The following ATP6V1B2 variants were observed in gnomAD, a reference collection of about 807,000 sequenced individuals.
ATP6V1B2 encodes ATPase H+ transporting V1 subunit B2.
A neutral mutation model predicts 66.7 loss-of-function variants in ATP6V1B2; 23 were observed. The ratio of observed to expected loss-of-function variants is 0.34; its 90% CI spans 0.25 to 0.49. ATP6V1B2 has a LOEUF of 0.49. Ranked by LOEUF, ATP6V1B2 falls within the 20% of genes least tolerant of loss-of-function variation. ATP6V1B2 has a pLI of 0.99. For synonymous variants in ATP6V1B2, 278 were observed against 236.7 expected (o/e 1.17, Z -1.60); for missense variants, 478 against 650.8 (o/e 0.73, Z 2.89).
Position 20,220,595 on chromosome 8 carries a change from A to C in ATP6V1B2, c.*193A>C. The C allele has an allele frequency of 2.7e-6, 2 of 751,172 alleles. No homozygotes were observed. Among genetic ancestry groups the C allele is most frequent in the Non-Finnish European group, 3.9e-6 (2 of 515,924 alleles). The allele number at this position is 751,172 out of a possible 1,614,324, so 46.5% of individuals were successfully genotyped here. A position where few individuals can be genotyped will look rare whatever the true frequency, so the allele number is the denominator to read the frequency against. ...CTAACAGACCTTAAAATATCCCCCT[A>C]CCTGGGTCCTCAGTGCTATGTTTAA... On this transcript the variant is annotated 3_prime_UTR_variant, in exon 14 of 14. Coordinates refer to ENST00000276390, the MANE Select transcript of ATP6V1B2 (RefSeq NM_001693.4).
At chr8:20,211,832 A>G in intron 7 of ATP6V1B2, 79 bp downstream of exon 7, 1 of 1,172,500 alleles carries the variant, frequency 8.5e-7, no homozygotes, top group Non-Finnish European at 1.2e-6. Context: ...CTGTACATAT[A>G]TAGTTGAATT....
At chr8:20,206,603 C>T (rs1163597119) in intron 2 of ATP6V1B2, among the ~76,000 whole-genome samples, 2 of 152,210 alleles carry the variant, frequency 1.3e-5, no homozygotes, top group African/African-American at 2.4e-5. Flanking sequence ...TAGAGTGAGG[C>T]CCTGAAGAGT....
chr8:20,200,054 G>A (rs2072669621), intron 1 of ATP6V1B2, among the ~76,000 whole-genome samples: 1 of 152,040 alleles, frequency 6.6e-6, no homozygotes. Flanking sequence ...CTAGGCTGGA[G>A]TGCAGTGGTG....
At chr8:20,202,801 G>A (rs1276798695) in intron 1 of ATP6V1B2, among the ~76,000 whole-genome samples, 1 of 152,174 alleles carries the variant, frequency 6.6e-6, no homozygotes, top group South Asian at 2.1e-4. Flanking sequence ...ATTCAAAACA[G>A]TTAATCATAA....
At chr8:20,203,037 T>A (rs2072702440) in intron 1 of ATP6V1B2, among the ~76,000 whole-genome samples, 1 of 152,236 alleles carries the variant, frequency 6.6e-6, no homozygotes, top group Non-Finnish European at 1.5e-5. Context: ...TTATGTTTTT[T>A]AAGAGTATTC....
At chr8:20,202,629 C>T (rs771317393) in intron 1 of ATP6V1B2, among the ~76,000 whole-genome samples, 3 of 152,078 alleles carry the variant, frequency 2.0e-5, no homozygotes, top group Non-Finnish European at 4.4e-5. Context: ...TACTTTTGCT[C>T]GTGACTGGCA....
rs529152442 is a variant in ATP6V1B2 at position 20,206,040 on chromosome 8, G to A, written c.192+1501G>A. Among the ~76,000 whole-genome samples the A allele has an allele frequency of 5.9e-5, 9 of 152,178 alleles. No homozygotes were observed. The South Asian group carries it at 1.0e-3, about 18-fold the overall frequency. The stretch of plus-strand genomic sequence containing the variant: ...TACTCATTTTTTAAAAAGCCTCTTC[G>A]AAAATAAGGAATATAACAAACTTTT... On this transcript the variant is annotated intron_variant, in intron 2 of 13. Transcript: ENST00000276390.
intron 1 of ATP6V1B2, among the ~76,000 whole-genome samples, chr8:20,202,584 G>A (rs1372911707): frequency 6.6e-6 from 1 of 152,130 alleles, no homozygotes; most frequent in Admixed American, 6.5e-5. Flanking sequence ...CTGTTTCCAG[G>A]AAAAGCTATG....
chr8:20,201,333 A>G lies in ATP6V1B2; in HGVS notation c.137-3151A>G, dbSNP rs531929553. 9.5e-4 allele frequency among the ~76,000 whole-genome samples: 145 copies of G among 152,312 alleles called. 2 individuals carry two copies. The highest frequency in any genetic ancestry group is 1.1e-3 in the Non-Finnish European group (72 of 68,020). Reference sequence around the variant, plus strand: ...GGGTTTTTTCCTGTTTTGAAGGGCAACTTAATGTCTTTGACAGCCATAGTT... The same window carrying G: ...GGGTTTTTTCCTGTTTTGAAGGGCAGCTTAATGTCTTTGACAGCCATAGTT... On this transcript the variant is annotated intron_variant, in intron 1 of 13. Coordinates refer to ENST00000276390, the MANE Select transcript of ATP6V1B2 (RefSeq NM_001693.4).
intron 5 of ATP6V1B2, 35 bp from the exon 6 acceptor site, chr8:20,211,142 A>G (rs1428027494): frequency 2.5e-6 from 4 of 1,593,046 alleles, no homozygotes; most frequent in Non-Finnish European, 3.4e-6. Flanking sequence ...TAATGCGGCA[A>G]CTTGTTGAAA....
At chr8:20,204,200 G>T in intron 1 of ATP6V1B2, 1 of 420,764 alleles carries the variant, frequency 2.4e-6, no homozygotes, top group Non-Finnish European at 4.4e-6. Context: ...GAACTTTTGA[G>T]ACAAGCAGAG....
At position 20,197,471 on chromosome 8, in the gene ATP6V1B2, G is replaced by GT; in HGVS notation, c.66dup (p.Gly23TrpfsTer42). The GT allele has an allele frequency of 6.6e-7, 1 of 1,523,440 alleles. No homozygotes were observed. Among genetic ancestry groups the GT allele is most frequent in the South Asian group, 1.2e-5 (1 of 81,790 alleles). The allele number at this position is 1,523,440 out of a possible 1,614,324, so 94.4% of individuals were successfully genotyped here. On this transcript the variant is annotated frameshift_variant, in exon 1 of 14. Coordinates refer to ENST00000276390, the MANE Select transcript of ATP6V1B2 (RefSeq NM_001693.4). LOFTEE classifies it high-confidence loss of function. ...GCACCCGAGCTACCCGTGCCCACCG[G>GT]TGGGCCGGCGGTGGGAGCTCGGGAG...
Position 20,206,638 on chromosome 8 carries a change from C to T in ATP6V1B2, c.192+2099C>T, listed in dbSNP as rs757925364. Among the ~76,000 whole-genome samples the T allele has an allele frequency of 4.6e-5, 7 of 152,146 alleles. No homozygotes were observed. The South Asian group carries it at 6.2e-4, about 13-fold the overall frequency. ...TCCCGAGCACAGAAGCTTCTGTCCC[C>T]GTGGAGCTGGGGTGGACCACCTTCC... On this transcript the variant is annotated intron_variant, in intron 2 of 13. Coordinates refer to ENST00000276390, the MANE Select transcript of ATP6V1B2 (RefSeq NM_001693.4).
At chr8:20,216,641 A>G (rs2072857220) in intron 11 of ATP6V1B2, 146 bp downstream of exon 11, 1 of 658,510 alleles carries the variant, frequency 1.5e-6, no homozygotes. Flanking sequence ...TGTCATTTCT[A>G]TTATCTTAAA....
chr8:20,220,112 T>A, intron 13 of ATP6V1B2, 151 bp from the exon 14 acceptor site: 3 of 753,554 alleles, frequency 4.0e-6, no homozygotes, highest in South Asian at 2.4e-5. Context: ...TGCCTTCTTT[T>A]CCTCAGTCCT....
chr8:20,209,133 TA>T (rs1375667132), intron 2 of ATP6V1B2, among the ~76,000 whole-genome samples: 1 of 152,224 alleles, frequency 6.6e-6, no homozygotes, highest in African/African-American at 2.4e-5. Context: ...TACTTTTCTG[TA>T]GCCTCAAAAC....
intron 2 of ATP6V1B2, among the ~76,000 whole-genome samples, chr8:20,206,606 T>C (rs1384309394): frequency 6.6e-6 from 1 of 152,148 alleles, no homozygotes; most frequent in Non-Finnish European, 1.5e-5. Flanking sequence ...AGTGAGGCCC[T>C]GAAGAGTCCC....
At chr8:20,199,048 A>T (rs1411605184) in intron 1 of ATP6V1B2, among the ~76,000 whole-genome samples, 4 of 152,238 alleles carry the variant, frequency 2.6e-5, no homozygotes, top group Non-Finnish European at 5.9e-5. Flanking sequence ...AAGGTGCAGT[A>T]GTCAGTTTCC....
At chr8:20,203,887 C>T (rs1333800813) in intron 1 of ATP6V1B2, 4 of 429,312 alleles carry the variant, frequency 9.3e-6, no homozygotes, top group African/African-American at 2.1e-5. Context: ...TTTCCATTGC[C>T]TACTCCGTCC....
Sources: allele counts gnomAD v4.1 joint callset (sites outside exome capture counted in the v4.1 genomes callset), GRCh38; gene constraint gnomAD v4.1.1; transcripts MANE v1.5; gene names NCBI Gene and HGNC (gene_info 2026-07-23, HGNC 2026-07-21).